Variants in SCP2 observed in about 807,000 individuals in gnomAD.
SCP2 encodes sterol carrier protein 2, also known as SCP-2/3-oxoacyl-CoA thiolase.
SCP2 carries 48 observed loss-of-function variants against 71.4 expected under a neutral mutation model. The observed-to-expected ratio is 0.67, with a 90% CI of 0.53 to 0.86. SCP2 has a LOEUF of 0.86. Ranked by LOEUF, SCP2 falls within the 40% of genes least tolerant of loss-of-function variation. The probability of loss-of-function intolerance (pLI) is 0.00; values close to 1 mark genes in which losing one functional copy is unlikely to be tolerated. For missense variants in SCP2, 560 were observed against 655.6 expected (o/e 0.85, Z 1.59); for synonymous variants, 220 against 218.1 (o/e 1.01, Z -0.08).
At chr1:52,970,328 C>T (rs1657351283) in intron 6 of SCP2, among the ~76,000 whole-genome samples, 2 of 152,168 alleles carry the variant, frequency 1.3e-5, no homozygotes, top group African/African-American at 4.8e-5. Context: ...TGGTGCACCA[C>T]AGCCACAAAC....
intron 2 of SCP2, among the ~76,000 whole-genome samples, chr1:52,944,452 T>A (rs934235279): frequency 6.6e-6 from 1 of 152,208 alleles, no homozygotes; most frequent in Non-Finnish European, 1.5e-5. Flanking sequence ...GAGATTTGAT[T>A]AATTGCAGTG....
chr1:53,028,419 C>A (rs4442320), intron 13 of SCP2, among the ~76,000 whole-genome samples: 48,107 of 151,980 alleles, frequency 0.32, 12,726 homozygotes, highest in African/African-American at 0.72. Flanking sequence ...TGAATTAAAA[C>A]GGTCTTACTT....
intron 14 of SCP2, among the ~76,000 whole-genome samples, chr1:53,045,385 C>T (rs1276629204): frequency 6.6e-6 from 1 of 152,098 alleles, no homozygotes; most frequent in South Asian, 2.1e-4. Flanking sequence ...CATATGGTTG[C>T]GTGTGGCAAT....
chr1:52,961,066 CTTTTTTTTTT>C (rs774047289), intron 5 of SCP2, among the ~76,000 whole-genome samples: 8 of 92,196 alleles, frequency 8.7e-5, no homozygotes, highest in Admixed American at 2.3e-4. Context: ...TCCTTTGGTT[CTTTTTTTTTT>C]TTTTTTTTTT....
intron 7 of SCP2, among the ~76,000 whole-genome samples, chr1:52,976,067 A>G (rs1198908801): frequency 2.0e-5 from 3 of 152,202 alleles, no homozygotes; most frequent in Non-Finnish European, 2.9e-5. Flanking sequence ...CAGTCAAATG[A>G]AGAGGCATAT....
At position 53,014,794 on chromosome 1, in the gene SCP2, C is replaced by T. The variant is rs905648679; in HGVS notation, c.1082-96C>T. 4.2e-6 allele frequency: 6 copies of T among 1,417,276 alleles called. No homozygotes were observed. The African/African-American group carries it at 7.0e-5, about 17-fold the overall frequency. The allele number at this position is 1,417,276 out of a possible 1,614,324, so 87.8% of individuals were successfully genotyped here. The stretch of plus-strand genomic sequence containing the variant: ...ACTATTTACACAAACGTGGCCTCGG[C>T]TTAATCAAATGCTTTAATTTAAAGT... On this transcript the variant is annotated intron_variant, in intron 11 of 15. Transcript: ENST00000371514.
In SCP2 at chr1:53,038,996, C is replaced by T. The variant is rs543798042; in HGVS notation, c.1418C>T (p.Thr473Ile). Residue 473 changes from threonine to isoleucine, a missense_variant, in exon 14 of 16, where the codon ACC becomes ATC. Physicochemically the swap from Thr to Ile is moderately conservative, Grantham distance 89. Transcript: ENST00000371514. ...GATGGCCCTGGGGGTAAAGAGGCCA[C>T]CTGGGTGGTGGATGTGAAGAATGGC... ...VKDGPGGKEA[T>I]WVVDVKNGKG... 2.6e-5 allele frequency: 42 copies of T among 1,614,150 alleles called. No individual in the cohort carries two copies. In the South Asian group the frequency reaches 4.5e-4, roughly 17 times the overall value.
intron 11 of SCP2, among the ~76,000 whole-genome samples, chr1:52,996,236 C>T (rs1218800394): frequency 1.3e-5 from 2 of 152,228 alleles, no homozygotes; most frequent in African/African-American, 4.8e-5. Context: ...TTCTGCCACT[C>T]TGGGTGACCC....
intron 11 of SCP2, among the ~76,000 whole-genome samples, chr1:52,997,582 G>A (rs1273386907): frequency 6.6e-6 from 1 of 152,102 alleles, no homozygotes; most frequent in African/African-American, 2.4e-5. Context: ...TCCAGAATAG[G>A]CAAATCCATA....
At chr1:52,933,002 C>T (rs1653303139) in intron 1 of SCP2, among the ~76,000 whole-genome samples, 1 of 152,134 alleles carries the variant, frequency 6.6e-6, no homozygotes, top group Admixed American at 6.5e-5. Context: ...TTTTCTGGCT[C>T]TGTCCACTGA....
At chr1:52,993,420 G>C (rs1659679768) in intron 11 of SCP2, 2 of 1,614,008 alleles carry the variant, frequency 1.2e-6, no homozygotes, top group Non-Finnish European at 8.5e-7. Flanking sequence ...TGATGATCCA[G>C]ATCTGCTTTA....
Position 52,950,138 on chromosome 1 carries a change from T to A in SCP2, c.200-617T>A, listed in dbSNP as rs571072419. 3.3e-5 allele frequency among the ~76,000 whole-genome samples: 5 copies of A among 151,768 alleles called. No homozygotes were observed. The South Asian group carries it at 1.0e-3, about 31-fold the overall frequency. On this transcript the variant is annotated intron_variant, in intron 3 of 15. Transcript: ENST00000371514. ...TTTATTTATTTATTTATTTATTTAT[T>A]TGAGACCGAGTCTCTCTCTGTCGCC...
chr1:52,988,119 A>G lies in SCP2; in HGVS notation c.1064A>G (p.His355Arg). The change falls in exon 11 of 16, where the codon CAC (histidine) becomes CGC (arginine). Residue 355 changes from histidine to arginine, a missense_variant. Physicochemically the swap from His to Arg is conservative, Grantham distance 29. This residue lies in a region of SCP2 where 513 missense variants were observed against 573.1 expected (regional missense o/e 0.90). Transcript: ENST00000371514. ...NPSGGLISKG[H>R]PLGATGLAQC... ...AGTGGTGGACTGATTTCAAAGGGAC[A>G]CCCACTAGGCGCTACAGGTAATGCT... 6.4e-7 allele frequency: 1 copy of G among 1,566,294 alleles called. No individual in the cohort carries two copies. The highest frequency in any genetic ancestry group is 8.8e-7 in the Non-Finnish European group (1 of 1,136,778).
chr1:52,982,341 C>T (rs1426122112), intron 10 of SCP2, among the ~76,000 whole-genome samples: 2 of 152,114 alleles, frequency 1.3e-5, no homozygotes, highest in Non-Finnish European at 2.9e-5. Flanking sequence ...GAGGCCAAGG[C>T]GGGCAGATAA....
chr1:52,948,371 C>T (rs1190362354), intron 3 of SCP2, among the ~76,000 whole-genome samples: 14 of 152,144 alleles, frequency 9.2e-5, no homozygotes, highest in Admixed American at 9.2e-4. Flanking sequence ...TATGGCCAGG[C>T]ACTGTGGCTC....
intron 1 of SCP2, among the ~76,000 whole-genome samples, chr1:52,939,719 C>T (rs1416127375): frequency 6.6e-6 from 1 of 152,102 alleles, no homozygotes; most frequent in Admixed American, 6.5e-5. Context: ...TGTTCTGTTG[C>T]CCAGGCTGGA....
intron 11 of SCP2, among the ~76,000 whole-genome samples, chr1:53,008,886 G>A (rs535837948): frequency 1.8e-3 from 271 of 152,274 alleles, no homozygotes; most frequent in Non-Finnish European, 3.0e-3. Flanking sequence ...AAACCCCATC[G>A]TCTTAGCCCA....
intron 12 of SCP2, among the ~76,000 whole-genome samples, chr1:53,015,925 G>A (rs1015021469): frequency 6.6e-6 from 1 of 152,004 alleles, no homozygotes; most frequent in African/African-American, 2.4e-5. Context: ...TCTTTAACCC[G>A]GCTGTAGCTT....
At chr1:53,005,524 C>T (rs1158293472) in intron 11 of SCP2, among the ~76,000 whole-genome samples, 1 of 152,158 alleles carries the variant, frequency 6.6e-6, no homozygotes, top group African/African-American at 2.4e-5. Flanking sequence ...TGGAGTGGAC[C>T]TCCAGCAAAC....
Sources: gnomAD v4.1 joint callset for allele counts (sites outside exome capture counted in the v4.1 genomes callset) on GRCh38, gnomAD v4.1.1 for gene constraint, gnomAD v4.1.1 regional missense constraint, MANE v1.5 for transcripts, NCBI Gene and HGNC (gene_info 2026-07-23, HGNC 2026-07-21) for gene names.